Variants in CFAP61 observed in about 807,000 individuals in gnomAD.
CFAP61 encodes the protein cilia and flagella associated protein 61, also known as cilia- and flagella-associated protein 61.
A neutral mutation model predicts 135.6 loss-of-function variants in CFAP61; 107 were observed. The ratio of observed to expected loss-of-function variants is 0.79; its 90% CI spans 0.67 to 0.93. The LOEUF (loss-of-function observed/expected upper bound fraction) is 0.93, where lower values mean the gene tolerates loss of function less well. Ranked by LOEUF, CFAP61 falls within the 40% of genes least tolerant of loss-of-function variation. The pLI, the probability that CFAP61 is intolerant of heterozygous loss-of-function variation, is 0.00. For synonymous variants in CFAP61, 575 were observed against 578.5 expected, an observed-to-expected ratio of 0.99 and a Z score of 0.09; for missense variants, 1,507 against 1,556.2, an observed-to-expected ratio of 0.97 and a Z score of 0.53.
chr20:20,246,516 G>C (rs2146975485), intron 19 of CFAP61, among the ~76,000 whole-genome samples: 1 of 152,296 alleles, frequency 6.6e-6, no homozygotes, highest in Admixed American at 6.5e-5. Context: ...GACACTACAG[G>C]GCAATGAAGG....
intron 22 of CFAP61, among the ~76,000 whole-genome samples, chr20:20,286,552 A>G (rs1348819559): frequency 6.6e-6 from 1 of 152,182 alleles, no homozygotes; most frequent in Admixed American, 6.5e-5. Context: ...CAGAATTATC[A>G]ATATAAGTAG....
intron 8 of CFAP61, among the ~76,000 whole-genome samples, chr20:20,126,547 A>T (rs371934920): frequency 6.6e-6 from 1 of 151,780 alleles, no homozygotes; most frequent in Non-Finnish European, 1.5e-5. Context: ...TAGGGCCCCA[A>T]TCCCTTCTAG....
intron 13 of CFAP61, chr20:20,171,682 A>G (rs1012598549): frequency 1.2e-5 from 6 of 491,816 alleles, no homozygotes; most frequent in Non-Finnish European, 2.2e-5. Flanking sequence ...TGCATTAACA[A>G]AGAGGCACAG....
intron 20 of CFAP61, among the ~76,000 whole-genome samples, chr20:20,255,275 G>A (rs1458133777): frequency 6.6e-6 from 1 of 152,200 alleles, no homozygotes; most frequent in African/African-American, 2.4e-5. Flanking sequence ...CGGTCATGGA[G>A]CAGCAGAGAG....
chr20:20,165,290 G>A (rs760081045), intron 11 of CFAP61, among the ~76,000 whole-genome samples: 3 of 152,148 alleles, frequency 2.0e-5, no homozygotes, highest in Non-Finnish European at 4.4e-5. Flanking sequence ...CTGAGCCAAC[G>A]GCTGTGACAA....
chr20:20,177,740 G>A (rs540029873), intron 13 of CFAP61, among the ~76,000 whole-genome samples: 53 of 151,138 alleles, frequency 3.5e-4, no homozygotes, highest in African/African-American at 1.3e-3. Context: ...ACAGTATATA[G>A]GCACTAAGGG....
rs1191561576 is a variant in CFAP61, at chr20:20,053,799, ATAAATAT to A, written c.-37+1213_-37+1219del. Among the ~76,000 whole-genome samples, 3 of 152,316 alleles carry A rather than the reference ATAAATAT, an allele frequency of 2.0e-5. No homozygotes were observed. In the East Asian group the frequency reaches 5.8e-4, roughly 29 times the overall value. ...TTCATAAAGCCACCTAACAAAATAA[ATAAATAT>A]TAAAAAGATGTTTCTTTGAAGTGAT... On this transcript the variant is annotated intron_variant, in intron 1 of 26. Coordinates refer to ENST00000245957, the MANE Select transcript of CFAP61 (RefSeq NM_015585.4).
chr20:20,088,974 G>C (rs142520551), intron 6 of CFAP61, among the ~76,000 whole-genome samples: 1 of 152,234 alleles, frequency 6.6e-6, no homozygotes, highest in East Asian at 1.9e-4. Flanking sequence ...TCAGTTTAAA[G>C]CATTTAGACT....
At chr20:20,244,752 C>A (rs1283738664) in intron 18 of CFAP61, among the ~76,000 whole-genome samples, 1 of 152,218 alleles carries the variant, frequency 6.6e-6, no homozygotes, top group Non-Finnish European at 1.5e-5. Flanking sequence ...ATGGGATTTT[C>A]TTTTCTATTG....
chr20:20,336,337 A>C (rs936399197), intron 25 of CFAP61, among the ~76,000 whole-genome samples: 18 of 152,192 alleles, frequency 1.2e-4, no homozygotes, highest in Admixed American at 9.2e-4. Flanking sequence ...TTTAAAGACA[A>C]ATCAATGTAA....
chr20:20,178,650 A>G (rs2054812434), intron 13 of CFAP61, among the ~76,000 whole-genome samples: 1 of 147,454 alleles, frequency 6.8e-6, no homozygotes, highest in South Asian at 2.2e-4. Flanking sequence ...AATAAAATGC[A>G]TTTAGCTAGT....
At chr20:20,216,340 C>T (rs963847174) in intron 17 of CFAP61, among the ~76,000 whole-genome samples, 6 of 152,232 alleles carry the variant, frequency 3.9e-5, no homozygotes, top group African/African-American at 9.6e-5. Flanking sequence ...GTGTTAATTA[C>T]AGTGCAATAT....
At chr20:20,326,102 CT>C (rs2057737124) in intron 25 of CFAP61, among the ~76,000 whole-genome samples, 1 of 152,148 alleles carries the variant, frequency 6.6e-6, no homozygotes, top group Non-Finnish European at 1.5e-5. Context: ...AACTCAAATG[CT>C]TGCTTGCTAT....
intron 1 of CFAP61, among the ~76,000 whole-genome samples, chr20:20,055,013 C>A (rs371611620): frequency 2.4e-4 from 36 of 152,186 alleles, no homozygotes; most frequent in African/African-American, 6.7e-4. Context: ...TCTGTATTTT[C>A]TGTTTCTATG....
chr20:20,284,385 A>ACGCCATTCTCCTGCCTCAGCTTCC (rs2054428176), intron 22 of CFAP61, among the ~76,000 whole-genome samples: 1 of 151,954 alleles, frequency 6.6e-6, no homozygotes, highest in Non-Finnish European at 1.5e-5. Flanking sequence ...TCCCAGGTTC[A>ACGCCATTCTCCTGCCTCAGCTTCC]CGCCATTCTC....
At chr20:20,257,332 C>T (rs2051694001) in intron 20 of CFAP61, among the ~76,000 whole-genome samples, 1 of 152,154 alleles carries the variant, frequency 6.6e-6, no homozygotes, top group African/African-American at 2.4e-5. Context: ...ATTAGAACTT[C>T]AGCCAGGCGT....
At chr20:20,290,233 A>C (rs2054901103) in intron 23 of CFAP61, 67 bp from the exon 24 acceptor site, 2 of 1,004,412 alleles carry the variant, frequency 2.0e-6, no homozygotes, top group Middle Eastern at 2.1e-4. Context: ...CTGTGATGAA[A>C]ATATGAGCTC....
chr20:20,292,230 C>A (rs1438346247), intron 24 of CFAP61, among the ~76,000 whole-genome samples: 1 of 152,110 alleles, frequency 6.6e-6, no homozygotes, highest in East Asian at 1.9e-4. Flanking sequence ...AAACAGGTAG[C>A]CAGTAAGTGG....
chr20:20,232,768 A>C (rs1569167815), intron 18 of CFAP61: 2 of 152,210 alleles, frequency 1.3e-5, no homozygotes, highest in Non-Finnish European at 2.9e-5. Context: ...AATCTTTTGA[A>C]GAGCCTGTAA....
Sources: allele counts gnomAD v4.1 joint callset (sites outside exome capture counted in the v4.1 genomes callset), GRCh38; gene constraint gnomAD v4.1.1; transcripts MANE v1.5; gene names NCBI Gene and HGNC (gene_info 2026-07-23, HGNC 2026-07-21).